The following SLC44A5 variants were observed in gnomAD, a reference collection of about 807,000 sequenced individuals.
The protein encoded by SLC44A5 is solute carrier family 44 member 5, also known as choline transporter-like protein 5.
SLC44A5 carries 57 observed loss-of-function variants against 101.8 expected under a neutral mutation model. The ratio of observed to expected loss-of-function variants is 0.56; its 90% CI spans 0.45 to 0.70. SLC44A5 has a LOEUF of 0.70. Among genes scored for constraint, SLC44A5 ranks in the 30% least tolerant of loss-of-function variants. SLC44A5 has a pLI of 0.00. For synonymous variants in SLC44A5, 281 were observed against 290.9 expected (o/e 0.97, Z 0.35); for missense variants, 737 against 853.1 (o/e 0.86, Z 1.70).
chr1:75,216,706 T>G (rs1454062315), intron 18 of SLC44A5, among the ~76,000 whole-genome samples: 7 of 152,054 alleles, frequency 4.6e-5, no homozygotes, highest in Admixed American at 2.6e-4. Context: ...TAATGACTAG[T>G]GATATTAAGC....
At chr1:75,394,496 G>T (rs562464561) in intron 3 of SLC44A5, among the ~76,000 whole-genome samples, 22 of 152,132 alleles carry the variant, frequency 1.4e-4, no homozygotes, top group Middle Eastern at 3.4e-3. Flanking sequence ...AGAGAGAGGG[G>T]ATAATTGCAA....
intron 1 of SLC44A5, among the ~76,000 whole-genome samples, chr1:75,603,753 G>GGTTTT (rs368996734): frequency 7.4e-5 from 4 of 54,084 alleles, no homozygotes; most frequent in Non-Finnish European, 9.4e-5. Flanking sequence ...ATTTTTTCAT[G>GGTTTT]TTTTTTTTTT....
At chr1:75,237,674 G>A (rs1459668903) in intron 10 of SLC44A5, among the ~76,000 whole-genome samples, 1 of 151,928 alleles carries the variant, frequency 6.6e-6, no homozygotes, top group African/African-American at 2.4e-5. Context: ...ATGCATCACA[G>A]GGAAATAAAT....
the SLC44A5 span, among the ~76,000 whole-genome samples, chr1:75,713,300 A>T: frequency 6.6e-6 from 1 of 152,172 alleles, no homozygotes; most frequent in Non-Finnish European, 1.5e-5. Flanking sequence ...TTCATTGAGA[A>T]ATAGGAACAA....
At chr1:75,290,765 G>A (rs1422519339) in intron 5 of SLC44A5, among the ~76,000 whole-genome samples, 5 of 152,258 alleles carry the variant, frequency 3.3e-5, no homozygotes, top group East Asian at 1.9e-4. Flanking sequence ...AATGAAAAAC[G>A]CCCAGCCCAT....
the SLC44A5 span, among the ~76,000 whole-genome samples, chr1:75,716,513 G>A: frequency 1.3e-5 from 2 of 152,132 alleles, no homozygotes; most frequent in African/African-American, 4.8e-5. Flanking sequence ...CTTATACACT[G>A]CTGATGGCAA....
intron 2 of SLC44A5, among the ~76,000 whole-genome samples, chr1:75,431,362 T>C (rs778610845): frequency 1.3e-5 from 2 of 152,200 alleles, no homozygotes; most frequent in African/African-American, 2.4e-5. Context: ...ATGAACTGTG[T>C]TTCTAACCAT....
intron 13 of SLC44A5, among the ~76,000 whole-genome samples, chr1:75,225,091 T>C (rs927815143): frequency 2.0e-5 from 3 of 152,154 alleles, no homozygotes; most frequent in African/African-American, 7.2e-5. Context: ...CAGAACAACT[T>C]CCAGTCCTGC....
At chr1:75,309,730 C>T (rs1386921947) in intron 4 of SLC44A5, among the ~76,000 whole-genome samples, 6 of 152,154 alleles carry the variant, frequency 3.9e-5, no homozygotes, top group African/African-American at 9.7e-5. Flanking sequence ...CATAGGCATT[C>T]GGTACATACC....
chr1:75,355,824 A>G (rs1394249575), intron 3 of SLC44A5, among the ~76,000 whole-genome samples: 1 of 152,160 alleles, frequency 6.6e-6, no homozygotes, highest in Admixed American at 6.6e-5. Flanking sequence ...ATAATAAATG[A>G]CTATGTTACT....
intron 3 of SLC44A5, among the ~76,000 whole-genome samples, 190 bp from the exon 4 acceptor site, chr1:75,339,820 AAGG>A (rs1407976064): frequency 3.3e-5 from 5 of 152,216 alleles, no homozygotes; most frequent in African/African-American, 4.8e-5. Flanking sequence ...TCCAGCTTAG[AAGG>A]AGGACTGGGA....
intron 2 of SLC44A5, among the ~76,000 whole-genome samples, chr1:75,527,479 T>G (rs1371393448): frequency 6.6e-6 from 1 of 152,050 alleles, no homozygotes; most frequent in African/African-American, 2.4e-5. Context: ...AACAAAAACA[T>G]AAAAACATAA....
At chr1:75,364,043 G>A (rs1240071403) in intron 3 of SLC44A5, among the ~76,000 whole-genome samples, 2 of 152,048 alleles carry the variant, frequency 1.3e-5, no homozygotes, top group East Asian at 3.9e-4. Flanking sequence ...CAGATGTATT[G>A]GGACTTACTT....
intron 2 of SLC44A5, among the ~76,000 whole-genome samples, chr1:75,436,282 G>T (rs1427162926): frequency 6.6e-6 from 1 of 151,960 alleles, no homozygotes; most frequent in African/African-American, 2.4e-5. Flanking sequence ...GGTAAATGTG[G>T]CTTCCTTCTG....
chr1:75,574,363 T>A (rs1673251508), intron 1 of SLC44A5, among the ~76,000 whole-genome samples: 1 of 152,230 alleles, frequency 6.6e-6, no homozygotes, highest in African/African-American at 2.4e-5. Context: ...TAAGCAAGAA[T>A]GACCTAATAG....
the SLC44A5 span, among the ~76,000 whole-genome samples, chr1:75,679,219 C>A: frequency 6.6e-6 from 1 of 152,174 alleles, no homozygotes; most frequent in African/African-American, 2.4e-5. Flanking sequence ...TTTCCCCAAT[C>A]TAGCAAGGCA....
chr1:75,452,329 C>CT (rs1183004832), intron 2 of SLC44A5, among the ~76,000 whole-genome samples: 2 of 152,036 alleles, frequency 1.3e-5, no homozygotes, highest in African/African-American at 4.8e-5. Context: ...GAAATAAAAT[C>CT]TTTTCCAGAC....
intron 7 of SLC44A5, among the ~76,000 whole-genome samples, chr1:75,243,293 T>C (rs1300945464): frequency 1.3e-5 from 2 of 151,964 alleles, no homozygotes; most frequent in Non-Finnish European, 1.5e-5. Flanking sequence ...AACACCACCA[T>C]GCCCAGCTAA....
At chr1:75,495,882 A>G (rs2101824314) in intron 2 of SLC44A5, among the ~76,000 whole-genome samples, 1 of 152,278 alleles carries the variant, frequency 6.6e-6, no homozygotes, top group Middle Eastern at 3.4e-3. Flanking sequence ...GGTATGCAGT[A>G]TGAAATAATC....
Sources: allele counts gnomAD v4.1 joint callset (sites outside exome capture counted in the v4.1 genomes callset), GRCh38; gene constraint gnomAD v4.1.1; transcripts MANE v1.5; gene names NCBI Gene and HGNC (gene_info 2026-07-23, HGNC 2026-07-21).